The following CRYL1 variants were observed in gnomAD, a reference collection of about 807,000 sequenced individuals.
The protein encoded by CRYL1 is lambda-crystallin homolog.
A neutral mutation model predicts 36.6 loss-of-function variants in CRYL1; 29 were observed. The ratio of observed to expected loss-of-function variants is 0.79; its 90% CI spans 0.59 to 1.08. The LOEUF (loss-of-function observed/expected upper bound fraction) is 1.08. Among genes scored for constraint, CRYL1 ranks in the 50% least tolerant of loss-of-function variants. The pLI, the probability that CRYL1 is intolerant of heterozygous loss-of-function variation, is 0.00. For synonymous variants in CRYL1, 152 were observed against 151.5 expected, an observed-to-expected ratio of 1.00 and a Z score of -0.02; for missense variants, 411 against 407.9, an observed-to-expected ratio of 1.01 and a Z score of -0.06.
At chr13:20,476,626 G>A (rs1021676093) in intron 3 of CRYL1, among the ~76,000 whole-genome samples, 1 of 152,322 alleles carries the variant, frequency 6.6e-6, no homozygotes, top group South Asian at 2.1e-4. Context: ...AGCCCAAGCC[G>A]GAAGAAAAAC....
intron 3 of CRYL1, among the ~76,000 whole-genome samples, chr13:20,455,353 A>G (rs1344632603): frequency 6.6e-6 from 1 of 152,246 alleles, no homozygotes; most frequent in East Asian, 1.9e-4. Context: ...CATGAATTGG[A>G]AAACTCAAGC....
intron 5 of CRYL1, among the ~76,000 whole-genome samples, chr13:20,421,491 C>T (rs1467038693): frequency 6.6e-6 from 1 of 152,190 alleles, no homozygotes; most frequent in African/African-American, 2.4e-5. Flanking sequence ...CCTTGATGGC[C>T]CATAGGGCTC....
At chr13:20,404,466 C>T (rs1342213947) in intron 7 of CRYL1, among the ~76,000 whole-genome samples, 169 bp downstream of exon 7, 1 of 152,070 alleles carries the variant, frequency 6.6e-6, no homozygotes, top group Non-Finnish European at 1.5e-5. Context: ...TTAAGGTGTC[C>T]TGGTGACACG....
At chr13:20,509,046 T>C (rs1454301560) in intron 2 of CRYL1, among the ~76,000 whole-genome samples, 5 of 151,442 alleles carry the variant, frequency 3.3e-5, no homozygotes, top group Non-Finnish European at 5.9e-5. Context: ...ATACCAAATT[T>C]AACCAGGCGT....
Position 20,481,501 on chromosome 13 carries a change from A to T in CRYL1, c.276+7869T>A, listed in dbSNP as rs2033275058. Among the ~76,000 whole-genome samples the T allele has an allele frequency of 6.6e-6, 1 of 152,196 alleles. No homozygotes were observed. The highest frequency in any genetic ancestry group is 2.4e-5 in the African/African-American group (1 of 41,436). Reference sequence around the variant, plus strand: ...GCTCTGAACCCCAGCTGTGACGCTGATTTCATACGTGACTGTACGCATCTG... The same window carrying T: ...GCTCTGAACCCCAGCTGTGACGCTGTTTTCATACGTGACTGTACGCATCTG... On this transcript the variant is annotated intron_variant, in intron 3 of 7. Coordinates refer to ENST00000298248, the MANE Select transcript of CRYL1 (RefSeq NM_015974.3). This position sits in a 1 kb window ranked among gnomAD's most constrained non-coding sequence, Gnocchi z 4.1.
Position 20,420,701 on chromosome 13 carries a change from T to TTTTTTTTTTTTTG in CRYL1, c.634-7315_634-7314insCAAAAAAAAAAAA. Among the ~76,000 whole-genome samples, 59 of 21,870 alleles carry TTTTTTTTTTTTTG rather than the reference T, an allele frequency of 2.7e-3. 7 individuals are homozygous for TTTTTTTTTTTTTG. Among genetic ancestry groups the TTTTTTTTTTTTTG allele is most frequent in the South Asian group, 9.8e-3 (3 of 306 alleles). 14.3% of individuals were successfully genotyped at this position (21,870 alleles called of 152,430 possible). On this transcript the variant is annotated intron_variant, in intron 5 of 7. Transcript: ENST00000298248. ...CTTTGACTTTTCTTTAAAATAGAGG[T>TTTTTTTTTTTTTG]TGTGTGTGTGTGTGTGTGTGTGTGT...
intron 3 of CRYL1, among the ~76,000 whole-genome samples, chr13:20,459,186 A>G (rs976160146): frequency 7.2e-6 from 1 of 137,994 alleles, no homozygotes; most frequent in African/African-American, 2.6e-5. Context: ...CAGTAAGCCG[A>G]GTTCACGCCG....
intron 6 of CRYL1, among the ~76,000 whole-genome samples, chr13:20,408,174 A>T (rs2031425370): frequency 6.6e-6 from 1 of 152,156 alleles, no homozygotes; most frequent in Non-Finnish European, 1.5e-5. Flanking sequence ...CTGAGTGAGG[A>T]CTTGCCCAGG....
rs1163787837 is a variant in CRYL1, at chr13:20,415,782, C to T, written c.634-2395G>A. Among the ~76,000 whole-genome samples, 2 of 152,252 alleles carry T rather than the reference C, an allele frequency of 1.3e-5. No homozygotes were observed. The highest frequency in any genetic ancestry group is 2.9e-5 in the Non-Finnish European group (2 of 68,048). ...TTTTCAGACTGGCCGCCCGTGTTCACATTCCTCAGCTGCAGCGTTTGCTGC... is the reference window on the plus strand; with the variant it reads ...TTTTCAGACTGGCCGCCCGTGTTCATATTCCTCAGCTGCAGCGTTTGCTGC... On this transcript the variant is annotated intron_variant, in intron 5 of 7. Coordinates refer to ENST00000298248, the MANE Select transcript of CRYL1 (RefSeq NM_015974.3). This position sits in a 1 kb window ranked among gnomAD's most constrained non-coding sequence, Gnocchi z 4.1.
chr13:20,505,218 G>C (rs550888293), intron 2 of CRYL1, among the ~76,000 whole-genome samples: 7 of 151,984 alleles, frequency 4.6e-5, no homozygotes, highest in Non-Finnish European at 7.4e-5. Flanking sequence ...TCAGCCAGAC[G>C]TGGTGGCACA....
At chr13:20,516,477 A>C (rs1007507130) in intron 1 of CRYL1, among the ~76,000 whole-genome samples, 1 of 151,426 alleles carries the variant, frequency 6.6e-6, no homozygotes, top group Non-Finnish European at 1.5e-5. Flanking sequence ...CTGAATATCA[A>C]AAGATAATCT....
intron 3 of CRYL1, among the ~76,000 whole-genome samples, chr13:20,454,246 AG>A (rs1202016498): frequency 1.1e-4 from 17 of 152,350 alleles, no homozygotes; most frequent in African/African-American, 4.1e-4. Context: ...AAAAAAGGAT[AG>A]TGCGTTATGA....
intron 3 of CRYL1, among the ~76,000 whole-genome samples, chr13:20,454,840 T>A (rs2032647351): frequency 6.6e-6 from 1 of 152,090 alleles, no homozygotes; most frequent in Admixed American, 6.5e-5. Context: ...AATTCAAGGC[T>A]TTCCTCCTTA....
intron 2 of CRYL1, among the ~76,000 whole-genome samples, chr13:20,490,931 GAT>G (rs1402771341): frequency 6.6e-6 from 1 of 151,636 alleles, no homozygotes; most frequent in Non-Finnish European, 1.5e-5. Flanking sequence ...TTTGAGACAG[GAT>G]CCTGCTCTGT....
intron 2 of CRYL1, among the ~76,000 whole-genome samples, chr13:20,507,821 G>A (rs375157978): frequency 6.6e-6 from 1 of 152,002 alleles, no homozygotes; most frequent in Non-Finnish European, 1.5e-5. Context: ...CGGAGGCTGA[G>A]GCAGGAGAAT....
intron 7 of CRYL1, 88 bp from the exon 8 acceptor site, chr13:20,404,330 G>T: frequency 1.1e-6 from 1 of 870,952 alleles, no homozygotes; most frequent in African/African-American, 1.7e-5. Context: ...TGCAAACTGT[G>T]CAGAAACTGC....
At chr13:20,497,802 C>T (rs895982374) in intron 2 of CRYL1, among the ~76,000 whole-genome samples, 5 of 150,708 alleles carry the variant, frequency 3.3e-5, no homozygotes, top group African/African-American at 7.3e-5. Context: ...CTACACACAC[C>T]ACATATACAT....
chr13:20,506,226 T>C (rs1303299264), intron 2 of CRYL1, among the ~76,000 whole-genome samples: 1 of 152,184 alleles, frequency 6.6e-6, no homozygotes, highest in African/African-American at 2.4e-5. Flanking sequence ...TCCCTTTTCC[T>C]GCCAAAGAAG....
chr13:20,417,082 A>C (rs1022632268), intron 5 of CRYL1, among the ~76,000 whole-genome samples: 1 of 152,210 alleles, frequency 6.6e-6, no homozygotes, highest in Non-Finnish European at 1.5e-5. Context: ...AGAGAAAGAA[A>C]AGGACCACAA....
Sources: allele counts gnomAD v4.1 joint callset (sites outside exome capture counted in the v4.1 genomes callset), GRCh38; gene constraint gnomAD v4.1.1; non-coding constraint Gnocchi (gnomAD v3.1); transcripts MANE v1.5; gene names NCBI Gene and HGNC (gene_info 2026-07-23, HGNC 2026-07-21).